The following OSBPL6 variants were observed in gnomAD, a reference collection of about 807,000 sequenced individuals.
OSBPL6 encodes the protein oxysterol binding protein like 6, also known as oxysterol-binding protein-related protein 6.
In OSBPL6, 49 loss-of-function variants were observed where a neutral mutation model predicts 125.8. The observed-to-expected ratio is 0.39, with a 90% confidence interval of 0.31 to 0.49. The LOEUF (loss-of-function observed/expected upper bound fraction) is 0.49. Among genes scored for constraint, OSBPL6 ranks in the 20% least tolerant of loss-of-function variants. OSBPL6 has a pLI of 0.88. For missense variants in OSBPL6, 986 were observed against 1,135.4 expected (o/e 0.87, Z 1.89); for synonymous variants, 394 against 391.8 (o/e 1.01, Z -0.07).
At chr2:178,228,834 G>A (rs1481137772) in intron 1 of OSBPL6, among the ~76,000 whole-genome samples, 1 of 152,086 alleles carries the variant, frequency 6.6e-6, no homozygotes, top group Non-Finnish European at 1.5e-5. Flanking sequence ...AAAATTTATA[G>A]TTGAAAAAGT....
chr2:178,315,455 A>C (rs1374601132), intron 3 of OSBPL6, among the ~76,000 whole-genome samples: 2 of 152,210 alleles, frequency 1.3e-5, no homozygotes, highest in African/African-American at 4.8e-5. Context: ...GTGTCAGCAA[A>C]TATTAAATAT....
chr2:178,267,156 C>T (rs2092255880), intron 1 of OSBPL6, among the ~76,000 whole-genome samples: 1 of 152,104 alleles, frequency 6.6e-6, no homozygotes, highest in Non-Finnish European at 1.5e-5. Flanking sequence ...GAGTTCGAGA[C>T]CAGCCTAGCC....
At chr2:178,237,339 ATTTGTTTT>A (rs2153986076) in intron 1 of OSBPL6, among the ~76,000 whole-genome samples, 1 of 107,930 alleles carries the variant, frequency 9.3e-6, no homozygotes, top group South Asian at 3.0e-4. Flanking sequence ...TGTTTTCTCA[ATTTGTTTT>A]TTTGTTTTGT....
intron 15 of OSBPL6, among the ~76,000 whole-genome samples, chr2:178,379,426 G>T (rs1281901563): frequency 1.3e-5 from 2 of 148,288 alleles, no homozygotes; most frequent in African/African-American, 5.0e-5. Flanking sequence ...AGAAAGAAAA[G>T]AAAGAGAAAG....
intron 1 of OSBPL6, among the ~76,000 whole-genome samples, chr2:178,261,259 T>C (rs910867327): frequency 2.6e-5 from 4 of 152,170 alleles, no homozygotes; most frequent in Admixed American, 2.0e-4. Flanking sequence ...TGGTGGTTCT[T>C]TGAGGAATTC....
chr2:178,358,021 G>A (rs1285264998), intron 12 of OSBPL6, among the ~76,000 whole-genome samples: 2 of 152,180 alleles, frequency 1.3e-5, no homozygotes, highest in African/African-American at 4.8e-5. Flanking sequence ...ACTCATAGGT[G>A]GGAATTGAAT....
intron 1 of OSBPL6, among the ~76,000 whole-genome samples, chr2:178,218,760 G>A (rs984208098): frequency 6.6e-6 from 1 of 151,614 alleles, no homozygotes; most frequent in African/African-American, 2.4e-5. Context: ...CTCCCGAATA[G>A]CTGGGAATAC....
chr2:178,202,052 T>C (rs1276672081), intron 1 of OSBPL6, among the ~76,000 whole-genome samples: 1 of 152,226 alleles, frequency 6.6e-6, no homozygotes, highest in East Asian at 1.9e-4. Context: ...TGGAACCTTA[T>C]AATAATATAC....
At chr2:178,386,628 C>A (rs1047583336) in intron 19 of OSBPL6, among the ~76,000 whole-genome samples, 3 of 151,450 alleles carry the variant, frequency 2.0e-5, no homozygotes, top group African/African-American at 7.3e-5. Context: ...CTATTTTTAC[C>A]ACTTAGTTAA....
intron 3 of OSBPL6, among the ~76,000 whole-genome samples, chr2:178,311,646 G>A (rs1241511501): frequency 3.3e-5 from 5 of 152,220 alleles, no homozygotes; most frequent in Non-Finnish European, 7.3e-5. Flanking sequence ...TTGGGAGCTC[G>A]GCTCCAGAGG....
At chr2:178,295,315 C>G (rs1685646048) in intron 2 of OSBPL6, among the ~76,000 whole-genome samples, 1 of 152,176 alleles carries the variant, frequency 6.6e-6, no homozygotes, top group Admixed American at 6.6e-5. Context: ...AAGAATGCAT[C>G]TTGTTATTTC....
intron 1 of OSBPL6, among the ~76,000 whole-genome samples, chr2:178,248,319 T>C (rs560899091): frequency 6.6e-6 from 1 of 152,338 alleles, no homozygotes; most frequent in East Asian, 1.9e-4. Flanking sequence ...TGTTTAATAA[T>C]TTGTTTAAAA....
intron 2 of OSBPL6, among the ~76,000 whole-genome samples, chr2:178,291,702 CTTCT>C (rs1179648886): frequency 6.7e-6 from 1 of 149,242 alleles, no homozygotes; most frequent in South Asian, 2.1e-4. Context: ...TCCTTCCTTC[CTTCT>C]TTCCTCCCTC....
chr2:178,221,781 C>T (rs552433495), intron 1 of OSBPL6, among the ~76,000 whole-genome samples: 1 of 152,308 alleles, frequency 6.6e-6, no homozygotes, highest in Non-Finnish European at 1.5e-5. Context: ...GCTGGTTTCA[C>T]AATCAATACA....
At chr2:178,306,486 AG>A (rs1050625027) in intron 3 of OSBPL6, among the ~76,000 whole-genome samples, 200 bp downstream of exon 3, 1 of 152,244 alleles carries the variant, frequency 6.6e-6, no homozygotes, top group African/African-American at 2.4e-5. Context: ...ACTCTTTTTT[AG>A]AAGGCAGACA....
chr2:178,377,085 G>C (rs1693943603), intron 15 of OSBPL6, among the ~76,000 whole-genome samples: 2 of 152,182 alleles, frequency 1.3e-5, no homozygotes, highest in African/African-American at 4.8e-5. Context: ...GTTCCCTTAT[G>C]TATAAGAGAG....
intron 2 of OSBPL6, among the ~76,000 whole-genome samples, chr2:178,296,739 A>T (rs1331036966): frequency 2.0e-5 from 3 of 152,104 alleles, no homozygotes; most frequent in Non-Finnish European, 4.4e-5. Context: ...CAAGGTTACC[A>T]CACTCCAATT....
In OSBPL6 at chr2:178,396,678, C is replaced by T. The variant is rs1018769899; in HGVS notation, c.*1119C>T. On this transcript the variant is annotated 3_prime_UTR_variant, in exon 25 of 25. Transcript: ENST00000190611. ...TTGCATTGTTTAAATGAATTCTATGCAAAATCATATTTCAAATTTTCATCA... is the reference window on the plus strand; with the variant it reads ...TTGCATTGTTTAAATGAATTCTATGTAAAATCATATTTCAAATTTTCATCA... The T allele has an allele frequency of 6.6e-6, 1 of 152,152 alleles. No individual in the cohort carries two copies. The highest frequency in any genetic ancestry group is 6.5e-5 in the Admixed American group (1 of 15,276). 9.4% of individuals were successfully genotyped at this position (152,152 alleles called of 1,614,324 possible).
rs1694846773 is a variant in OSBPL6 at position 178,385,303 on chromosome 2, A to AAATTGTATAAGTTGTATAAG, written c.2014-155_2014-154insAATTGTATAAGTTGTATAAG. Among the ~76,000 whole-genome samples the AAATTGTATAAGTTGTATAAG allele has an allele frequency of 1.2e-4, 18 of 152,322 alleles. No homozygotes were observed. The South Asian group carries it at 3.7e-3, about 32-fold the overall frequency. On this transcript the variant is annotated intron_variant, in intron 18 of 24. Transcript: ENST00000190611. ...CGAATTCACTTCACTTATGGGCATT[A>AAATTGTATAAGTTGTATAAG]TTTCCCCTCTAAATTGTATAAGTTC...
Sources: gnomAD v4.1 joint callset for allele counts (sites outside exome capture counted in the v4.1 genomes callset) on GRCh38, gnomAD v4.1.1 for gene constraint, MANE v1.5 for transcripts, NCBI Gene and HGNC (gene_info 2026-07-23, HGNC 2026-07-21) for gene names.